The following CCM2L variants were observed in gnomAD, a reference collection of about 807,000 sequenced individuals.
The protein encoded by CCM2L is CCM2 like scaffold protein.
In CCM2L, 36 loss-of-function variants were observed where a neutral mutation model predicts 54.1. The observed-to-expected ratio is 0.67, with a 90% CI of 0.51 to 0.88. CCM2L has a LOEUF of 0.88. CCM2L is among the 40% of genes least tolerant of loss of function. The pLI is 0.00. For missense variants in CCM2L, 700 were observed against 812.1 expected, an observed-to-expected ratio of 0.86 and a Z score of 1.68; for synonymous variants, 351 against 359.3, an observed-to-expected ratio of 0.98 and a Z score of 0.26.
intron 2 of CCM2L, among the ~76,000 whole-genome samples, chr20:32,015,556 C>T (rs1164694049): frequency 6.6e-6 from 1 of 152,160 alleles, no homozygotes; most frequent in South Asian, 2.1e-4. Flanking sequence ...AAGGATGGCA[C>T]CATTTCCAAG....
Position 32,025,967 on chromosome 20 carries a change from C to T in CCM2L, c.1133+48C>T, listed in dbSNP as rs930821043. Reference sequence around the variant, plus strand: ...ACTCCACCCTGCTCCCCTACCCCTGCACAAACAGGGTGACTAGAGAGGGTA... The same window carrying T: ...ACTCCACCCTGCTCCCCTACCCCTGTACAAACAGGGTGACTAGAGAGGGTA... On this transcript the variant is annotated intron_variant, in intron 7 of 9. Transcript: ENST00000452892. 2.1e-5 allele frequency: 26 copies of T among 1,260,162 alleles called. No individual in the cohort carries two copies. The Admixed American group carries it at 5.1e-4, about 25-fold the overall frequency. 78.1% of individuals were successfully genotyped at this position (1,260,162 alleles called of 1,614,324 possible). A position where few individuals can be genotyped will look rare whatever the true frequency, so the allele number is the denominator to read the frequency against.
Position 32,018,137 on chromosome 20 carries a change from G to C in CCM2L, c.441G>C (p.Ala147=), listed in dbSNP as rs763566504. ...CCGCCTCCTACCTGCAGGACGACGCGCTGCACCTGCTAGTGCTCAAGACCG... is the reference window on the plus strand; with the variant it reads ...CCGCCTCCTACCTGCAGGACGACGCCCTGCACCTGCTAGTGCTCAAGACCG... ...IAAASYLQDD[A]LHLLVLKTGL... The change falls in exon 4 of 10, where the codon GCG becomes GCC. Residue 147 remains alanine (A), a synonymous_variant. Transcript: ENST00000452892. 1 of 1,570,606 alleles carries C rather than the reference G, an allele frequency of 6.4e-7. No homozygotes were observed. Among genetic ancestry groups the C allele is most frequent in the South Asian group, 1.1e-5 (1 of 88,628 alleles).
At chr20:32,024,577 A>G (rs1450305353) in intron 6 of CCM2L, among the ~76,000 whole-genome samples, 1 of 152,206 alleles carries the variant, frequency 6.6e-6, no homozygotes. Flanking sequence ...CTGTAATCCC[A>G]GCACTTTGGG....
chr20:32,010,816 G>A (rs1051946966), intron 1 of CCM2L, among the ~76,000 whole-genome samples: 5 of 152,152 alleles, frequency 3.3e-5, no homozygotes, highest in African/African-American at 9.6e-5. Context: ...TCAGACAGAC[G>A]GACAGACAGA....
At position 32,015,014 on chromosome 20, in the gene CCM2L, C is replaced by T. The variant is rs752732555; in HGVS notation, c.141C>T (p.Pro47=). Residue 47 remains proline (P), a synonymous_variant, in exon 2 of 10, where the codon CCC becomes CCT. Coordinates refer to ENST00000452892, the MANE Select transcript of CCM2L (RefSeq NM_001365692.1). The part of the protein sequence containing the change: ...RPLHSMPLYP[P]DYLIDPQILL... ...TGCACTCGATGCCCCTTTATCCCCC[C>T]GACTACCTCATCGACCCCCAGATTC... 17 of 1,570,986 alleles carry T rather than the reference C, an allele frequency of 1.1e-5. No homozygotes were observed. Among genetic ancestry groups the T allele is most frequent in the African/African-American group, 2.8e-5 (2 of 71,862 alleles).
In CCM2L at chr20:32,031,009, C is replaced by T. The variant is rs1186556862; in HGVS notation, c.1411C>T (p.Pro471Ser). The change falls in exon 10 of 10, where the codon CCC (proline) becomes TCC (serine). Residue 471 changes from proline (P) to serine (S), a missense_variant. Pro to Ser is a moderately conservative substitution (Grantham distance 74). Coordinates refer to ENST00000452892, the MANE Select transcript of CCM2L (RefSeq NM_001365692.1). ...RRKFLLLGMRPFIPDQDIGYF... is the reference protein window; with the variant it reads ...RRKFLLLGMRSFIPDQDIGYF... ...TGCCCCTCGGCTCGCAGGGATGCGG[C>T]CCTTCATCCCGGACCAGGACATCGG... 7.7e-7 allele frequency: 1 copy of T among 1,304,104 alleles called. No homozygotes were observed. The highest frequency in any genetic ancestry group is 1.0e-6 in the Non-Finnish European group (1 of 988,906). The allele number at this position is 1,304,104 out of a possible 1,614,324, so 80.8% of individuals were successfully genotyped here. A position where few individuals can be genotyped will look rare whatever the true frequency, so the allele number is the denominator to read the frequency against.
At chr20:32,013,603 G>A (rs114454701) in intron 1 of CCM2L, among the ~76,000 whole-genome samples, 3,284 of 149,458 alleles carry the variant, frequency 0.022, 122 homozygotes, top group African/African-American at 0.076. Context: ...CACCACACCC[G>A]GCTAATTTTT....
At chr20:32,017,684 T>C (rs58836667) in intron 2 of CCM2L, 116 bp from the exon 3 acceptor site, 1 of 854,394 alleles carries the variant, frequency 1.2e-6, no homozygotes, top group Non-Finnish European at 2.0e-6. Context: ...ATCAGGTATA[T>C]TAATTCATGT....
At chr20:32,019,453 C>A (rs1159231565) in intron 5 of CCM2L, 44 bp downstream of exon 5, 9 of 1,381,050 alleles carry the variant, frequency 6.5e-6, no homozygotes, top group Non-Finnish European at 6.7e-6. Context: ...GCTTCGGGAA[C>A]GCTGCTTCCC....
Position 32,019,016 on chromosome 20 carries a change from A to G in CCM2L, c.540A>G (p.Pro180=). 1 of 1,332,320 alleles carries G rather than the reference A, an allele frequency of 7.5e-7. No homozygotes were observed. The highest frequency in any genetic ancestry group is 9.5e-7 in the Non-Finnish European group (1 of 1,049,914). 82.5% of individuals were successfully genotyped at this position (1,332,320 alleles called of 1,614,324 possible). A position where few individuals can be genotyped will look rare whatever the true frequency, so the allele number is the denominator to read the frequency against. The part of the protein sequence containing the change: ...PGGAGRDPGP[P]GGAPEKRRVG... The stretch of plus-strand genomic sequence containing the variant: ...GCGCAGGACGCGACCCCGGCCCGCC[A>G]GGCGGGGCGCCCGAGAAGCGGCGGG... The change falls in exon 5 of 10, where the codon CCA becomes CCG. Residue 180 remains proline (P), a synonymous_variant. Coordinates refer to ENST00000452892, the MANE Select transcript of CCM2L (RefSeq NM_001365692.1).
In CCM2L at chr20:32,019,288, A is replaced by G; in HGVS notation, c.812A>G (p.Gln271Arg). Reference sequence around the variant, plus strand: ...CCGGGCGGTAGCTGGGAGCGGAGGCAGGCGGGCAGCGGCGGGGGAGGCAGC... The same window carrying G: ...CCGGGCGGTAGCTGGGAGCGGAGGCGGGCGGGCAGCGGCGGGGGAGGCAGC... ...GKPGGSWERR[Q>R]AGSGGGGSWE... The change falls in exon 5 of 10, where the codon CAG (glutamine) becomes CGG (arginine). Residue 271 changes from glutamine (Q) to arginine (R), a missense_variant. Gln to Arg is a conservative substitution (Grantham distance 43, BLOSUM62 1). Transcript: ENST00000452892. The G allele has an allele frequency of 7.9e-7, 1 of 1,270,182 alleles. No homozygotes were observed. Among genetic ancestry groups the G allele is most frequent in the East Asian group, 3.1e-5 (1 of 32,236 alleles). 78.7% of individuals were successfully genotyped at this position (1,270,182 alleles called of 1,614,324 possible).
rs892999090 is a variant in CCM2L, at chr20:32,019,005, C to T, written c.529C>T (p.Pro177Ser). The change falls in exon 5 of 10, where the codon CCC (proline) becomes TCC (serine). Residue 177 changes from proline (P) to serine (S), a missense_variant. Transcript: ENST00000452892. ...CAGCCCAGGCGGCGCAGGACGCGAC[C>T]CCGGCCCGCCAGGCGGGGCGCCCGA... Reference protein sequence around the residue: ...DASPGGAGRDPGPPGGAPEKR... With the variant: ...DASPGGAGRDSGPPGGAPEKR... The T allele has an allele frequency of 6.7e-6, 9 of 1,345,402 alleles. No individual in the cohort carries two copies. Among genetic ancestry groups the T allele is most frequent in the Non-Finnish European group, 8.5e-6 (9 of 1,056,136 alleles). The allele number at this position is 1,345,402 out of a possible 1,614,324, so 83.3% of individuals were successfully genotyped here. A position where few individuals can be genotyped will look rare whatever the true frequency, so the allele number is the denominator to read the frequency against.
chr20:32,031,421 G>A lies in CCM2L; in HGVS notation c.*107G>A. 2 of 959,184 alleles carry A rather than the reference G, an allele frequency of 2.1e-6. No individual in the cohort carries two copies. The highest frequency in any genetic ancestry group is 2.7e-6 in the Non-Finnish European group (2 of 732,034). The allele number at this position is 959,184 out of a possible 1,614,324, so 59.4% of individuals were successfully genotyped here. A position where few individuals can be genotyped will look rare whatever the true frequency, so the allele number is the denominator to read the frequency against. On this transcript the variant is annotated 3_prime_UTR_variant, in exon 10 of 10. Transcript: ENST00000452892. ...CCCCATCACACCTGGCGGGGCCGGG[G>A]GGTCTTCACTCCAGGGTCTCGCTCC...
In CCM2L at chr20:32,019,495, G is replaced by T. The variant is rs554555827; in HGVS notation, c.933+86G>T. 9.9e-4 allele frequency: 893 copies of T among 905,218 alleles called. 7 individuals are homozygous for T. The African/African-American group carries it at 0.02, about 20-fold the overall frequency. The allele number at this position is 905,218 out of a possible 1,614,324, so 56.1% of individuals were successfully genotyped here. A position where few individuals can be genotyped will look rare whatever the true frequency, so the allele number is the denominator to read the frequency against. On this transcript the variant is annotated intron_variant, in intron 5 of 9. Coordinates refer to ENST00000452892, the MANE Select transcript of CCM2L (RefSeq NM_001365692.1). Reference sequence around the variant, plus strand: ...CACCTTGCCCCCGCCCCACCCACCAGGTTCCTAGGATCTGCCCCTGCCTTC... The same window carrying T: ...CACCTTGCCCCCGCCCCACCCACCATGTTCCTAGGATCTGCCCCTGCCTTC...
In CCM2L at chr20:32,018,943, G is replaced by A. The variant is rs2064769517; in HGVS notation, c.467G>A (p.Gly156Asp). The change falls in exon 5 of 10, where the codon GGT becomes GAT. Residue 156 changes from glycine to aspartate, a missense_variant and splice_region_variant. Gly to Asp is a moderately conservative substitution (Grantham distance 94). Transcript: ENST00000452892. Reference sequence around the variant, plus strand: ...CTGACGGTCCCCCGGACTCTCCTAGGTCTGGGTGTGGACCCGGTGCCGGCC... The same window carrying A: ...CTGACGGTCCCCCGGACTCTCCTAGATCTGGGTGTGGACCCGGTGCCGGCC... ...DALHLLVLKT[G>D]LGVDPVPAGV... The A allele has an allele frequency of 7.2e-7, 1 of 1,391,866 alleles. No homozygotes were observed. The highest frequency in any genetic ancestry group is 9.3e-7 in the Non-Finnish European group (1 of 1,076,774). The allele number at this position is 1,391,866 out of a possible 1,614,324, so 86.2% of individuals were successfully genotyped here.
At position 32,018,978 on chromosome 20, in the gene CCM2L, GC is replaced by G; in HGVS notation, c.504del (p.Ser169AlafsTer140). ...GGACCCGGTGCCGGCCGGCGTGGAT[GC>G]CAGCCCAGGCGGCGCAGGACGCGAC... ...GVDPVPAGVD[A>X]SPGGAGRDPG... On this transcript the variant is annotated frameshift_variant, in exon 5 of 10. Transcript: ENST00000452892. LOFTEE classifies it high-confidence loss of function. 1 of 1,402,074 alleles carries G rather than the reference GC, an allele frequency of 7.1e-7. No individual in the cohort carries two copies. The highest frequency in any genetic ancestry group is 9.2e-7 in the Non-Finnish European group (1 of 1,082,460). The allele number at this position is 1,402,074 out of a possible 1,614,324, so 86.9% of individuals were successfully genotyped here. A position where few individuals can be genotyped will look rare whatever the true frequency, so the allele number is the denominator to read the frequency against.
intron 7 of CCM2L, 74 bp from the exon 8 acceptor site, chr20:32,028,921 C>T (rs1267916018): frequency 6.3e-7 from 1 of 1,592,150 alleles, no homozygotes. Flanking sequence ...AGGATGAGGC[C>T]TCCTACCTTC....
At chr20:32,025,787 C>T (rs1300828277) in intron 6 of CCM2L, 69 bp from the exon 7 acceptor site, 9 of 1,119,752 alleles carry the variant, frequency 8.0e-6, no homozygotes, top group South Asian at 2.6e-5. Context: ...GAGGGTGGGG[C>T]CTCAGGGAGC....
At chr20:32,012,024 C>T (rs1312894507) in intron 1 of CCM2L, among the ~76,000 whole-genome samples, 2 of 151,876 alleles carry the variant, frequency 1.3e-5, no homozygotes, top group East Asian at 3.9e-4. Flanking sequence ...CAGGCTCACC[C>T]TCATCCAGCC....
Sources: gnomAD v4.1 joint callset for allele counts (sites outside exome capture counted in the v4.1 genomes callset) on GRCh38, gnomAD v4.1.1 for gene constraint, MANE v1.5 for transcripts, NCBI Gene and HGNC (gene_info 2026-07-23, HGNC 2026-07-21) for gene names.